The following PCSK4 variants were observed in gnomAD, a reference collection of about 807,000 sequenced individuals.
The protein encoded by PCSK4 is testicular tissue protein Li 135.
In PCSK4, 64 loss-of-function variants were observed where a neutral mutation model predicts 80.3. The ratio of observed to expected loss-of-function variants is 0.80; its 90% CI spans 0.65 to 0.98. The LOEUF (loss-of-function observed/expected upper bound fraction) is 0.98, where lower values mean the gene tolerates loss of function less well. Ranked by LOEUF, PCSK4 falls within the 50% of genes least tolerant of loss-of-function variation. The pLI is 0.00. For missense variants in PCSK4, 1,213 were observed against 1,093.6 expected (o/e 1.11, Z -1.54); for synonymous variants, 561 against 487.6 (o/e 1.15, Z -1.98).
In PCSK4 at chr19:1,488,005, C is replaced by T. The variant is rs762072996; in HGVS notation, c.475G>A (p.Asp159Asn). The change falls in exon 4 of 15, where the codon GAT becomes AAT. Residue 159 changes from aspartate to asparagine, a missense_variant. Coordinates refer to ENST00000300954, the Ensembl canonical transcript of PCSK4. Reference sequence around the variant, plus strand: ...TCCGGGTGGTCCTTCTCGATGCCATCGTCCAGCACAGAGACCACGATGCCC... The same window carrying T: ...TCCGGGTGGTCCTTCTCGATGCCATTGTCCAGCACAGAGACCACGATGCCC... 1.9e-5 allele frequency: 31 copies of T among 1,613,230 alleles called. No individual in the cohort carries two copies. In the South Asian group the frequency reaches 2.2e-4, roughly 11 times the overall value.
intron 6 of PCSK4, 111 bp from the exon 7 acceptor site, chr19:1,487,424 T>TCA (rs1291430197): frequency 1.9e-6 from 2 of 1,047,076 alleles, no homozygotes; most frequent in Non-Finnish European, 2.8e-6. Flanking sequence ...GCCCTCTCTC[T>TCA]GCTCCCTGGA....
At chr19:1,482,728 C>T in intron 13 of PCSK4, 168 bp downstream of exon 13, 1 of 789,598 alleles carries the variant, frequency 1.3e-6, no homozygotes. Flanking sequence ...GTGTGCCTGT[C>T]ATTGCACACC....
exon 6 of PCSK4, chr19:1,487,607 G>A (rs777171289): frequency 1.6e-4 from 249 of 1,550,572 alleles, no homozygotes; most frequent in Non-Finnish European, 1.9e-4. Flanking sequence ...GGGTACCTCC[G>A]ATTCGGGCGT....
chr19:1,483,747 C>A (rs758501209), exon 11 of PCSK4: 3 of 1,592,612 alleles, frequency 1.9e-6, no homozygotes, highest in Non-Finnish European at 2.5e-6. Flanking sequence ...TCCAGCAGCC[C>A]GTATCCGTAG....
exon 13 of PCSK4, chr19:1,482,914 C>T (rs1360812603): frequency 6.2e-7 from 1 of 1,613,544 alleles, no homozygotes; most frequent in African/African-American, 1.3e-5. Context: ...AAATAGTAGC[C>T]CTTGTTCTCT....
chr19:1,485,674 A>G lies in PCSK4; in HGVS notation c.1068+1179T>C, dbSNP rs571632261. 2.0e-5 allele frequency among the ~76,000 whole-genome samples: 3 copies of G among 152,038 alleles called. No individual in the cohort carries two copies. In the East Asian group the frequency reaches 5.9e-4, roughly 30 times the overall value. On this transcript the variant is annotated intron_variant, in intron 8 of 14. Transcript: ENST00000300954. ...ATCACGAGGTCAGGAGATCGAGATC[A>G]TCCTGGCTAACATGGTGAAACCCTG...
intron 13 of PCSK4, chr19:1,482,690 A>G: frequency 1.3e-6 from 1 of 754,282 alleles, no homozygotes; most frequent in Non-Finnish European, 2.1e-6. Flanking sequence ...CTGGGCACCT[A>G]CATCTCCCGT....
intron 13 of PCSK4, 133 bp from the exon 14 acceptor site, chr19:1,482,608 C>T: frequency 8.7e-7 from 1 of 1,145,418 alleles, no homozygotes; most frequent in Non-Finnish European, 1.2e-6. Context: ...CAGGGAATTG[C>T]ACACCTACTG....
chr19:1,482,943 C>G, exon 13 of PCSK4: 1 of 1,613,274 alleles, frequency 6.2e-7, no homozygotes, highest in Non-Finnish European at 8.5e-7. Flanking sequence ...GGTCCACACG[C>G]CCTGTGGGTT....
chr19:1,483,328 C>T (rs200390360), exon 12 of PCSK4: 4 of 1,609,154 alleles, frequency 2.5e-6, no homozygotes, highest in Non-Finnish European at 8.5e-7. Flanking sequence ...GGCTGGTGAG[C>T]GAGATCTCCA....
intron 2 of PCSK4, 53 bp downstream of exon 2, chr19:1,489,740 C>A: frequency 6.4e-7 from 1 of 1,561,034 alleles, no homozygotes; most frequent in Non-Finnish European, 8.7e-7. Context: ...GCTGGTGGCC[C>A]CAGGAGGCAG....
chr19:1,483,810 T>TCCCCGC (rs770934996), intron 10 of PCSK4, 28 bp downstream of exon 10: 16 of 1,494,384 alleles, frequency 1.1e-5, no homozygotes, highest in Non-Finnish European at 1.4e-5. Context: ...GGGCCCCGGG[T>TCCCCGC]CCCCGCCCCC....
chr19:1,481,950 G>A, exon 15 of PCSK4: 2 of 1,595,996 alleles, frequency 1.3e-6, no homozygotes, highest in Non-Finnish European at 1.7e-6. Flanking sequence ...CTAAGCCGGG[G>A]GCGGCTGTCG....
exon 8 of PCSK4, chr19:1,486,965 G>C: frequency 6.2e-7 from 1 of 1,609,168 alleles, no homozygotes; most frequent in Non-Finnish European, 8.5e-7. Flanking sequence ...CACGGAAAGC[G>C]TGTGGATGCT....
intron 8 of PCSK4, among the ~76,000 whole-genome samples, chr19:1,484,496 A>G (rs1259504545): frequency 6.6e-6 from 1 of 150,672 alleles, no homozygotes; most frequent in Non-Finnish European, 1.5e-5. Context: ...CTGGATTAAA[A>G]AAAAAAAAGT....
At chr19:1,483,576 T>G in intron 11 of PCSK4, 74 bp downstream of exon 11, 1 of 1,426,280 alleles carries the variant, frequency 7.0e-7, no homozygotes, top group Admixed American at 2.0e-5. Flanking sequence ...GTTTTACAGA[T>G]GGGTAAACTG....
intron 14 of PCSK4, 55 bp from the exon 15 acceptor site, chr19:1,482,262 C>G (rs1218802299): frequency 6.6e-7 from 1 of 1,526,296 alleles, no homozygotes; most frequent in Non-Finnish European, 8.8e-7. Flanking sequence ...CAGCCTGTTA[C>G]TCGCCACCCG....
rs1310784953 is a variant in PCSK4, at chr19:1,487,318, A to G, written c.683-5T>C. The G allele has an allele frequency of 5.1e-6, 8 of 1,582,306 alleles. No homozygotes were observed. Among genetic ancestry groups the G allele is most frequent in the Non-Finnish European group, 6.0e-6 (7 of 1,169,384 alleles). The stretch of plus-strand genomic sequence containing the variant: ...TACCGTCCAGCATCCGTACGCCTGC[A>G]GAGCCAGGGCGGGAGGGCCGCTGCC... On this transcript the variant is annotated splice_polypyrimidine_tract_variant and splice_region_variant and intron_variant, in intron 6 of 14. Coordinates refer to ENST00000300954, the Ensembl canonical transcript of PCSK4.
intron 13 of PCSK4, 114 bp downstream of exon 13, chr19:1,482,782 G>A: frequency 8.6e-7 from 1 of 1,158,132 alleles, no homozygotes; most frequent in South Asian, 1.4e-5. Flanking sequence ...TGTTCTCTTG[G>A]AGAAGGCCAC....
Sources: allele counts gnomAD v4.1 joint callset (sites outside exome capture counted in the v4.1 genomes callset), GRCh38; gene constraint gnomAD v4.1.1; transcripts MANE v1.5; gene names NCBI Gene and HGNC (gene_info 2026-07-23, HGNC 2026-07-21).